RANBP2: variants seen among roughly 807,000 people sequenced by gnomAD.
RANBP2 encodes E3 SUMO-protein ligase RanBP2.
A neutral mutation model predicts 303.6 loss-of-function variants in RANBP2; 57 were observed. The ratio of observed to expected loss-of-function variants is 0.19; its 90% CI spans 0.15 to 0.23. The LOEUF (loss-of-function observed/expected upper bound fraction) is 0.23. Among genes scored for constraint, RANBP2 ranks in the 10% least tolerant of loss-of-function variants. The pLI is 1.00. For missense variants in RANBP2, 3,138 were observed against 3,780.8 expected (o/e 0.83, Z 4.46); for synonymous variants, 1,167 against 1,301.5 (o/e 0.90, Z 2.23).
chr2:109,110,761 C>T, the RANBP2 span, among the ~76,000 whole-genome samples: 2 of 152,096 alleles, frequency 1.3e-5, no homozygotes, highest in African/African-American at 4.8e-5. Flanking sequence ...AGACAGCTGT[C>T]CATGCCTTCT....
the RANBP2 span, chr2:108,906,482 G>T: frequency 9.4e-7 from 1 of 1,069,184 alleles, no homozygotes; most frequent in Non-Finnish European, 1.4e-6. Flanking sequence ...CAGAGACGCT[G>T]CACACAGCCC....
chr2:109,252,593 ATTATGTCCTGATAAACCCATCAATAG>A, the RANBP2 span, among the ~76,000 whole-genome samples: 2 of 152,212 alleles, frequency 1.3e-5, no homozygotes, highest in Non-Finnish European at 2.9e-5. Flanking sequence ...GTTAAGATGG[ATTATGTCCTGATAAACCCATCAATAG>A]TTGGAAGTAT....
the RANBP2 span, among the ~76,000 whole-genome samples, chr2:109,067,063 T>C: frequency 1.4e-5 from 2 of 143,774 alleles, no homozygotes; most frequent in Non-Finnish European, 3.1e-5. Flanking sequence ...AGAGGCAAAA[T>C]AAAAAGGAAT....
the RANBP2 span, among the ~76,000 whole-genome samples, chr2:109,699,435 A>G: frequency 6.6e-6 from 1 of 152,246 alleles, no homozygotes; most frequent in African/African-American, 2.4e-5. Flanking sequence ...GTAGCCTGTT[A>G]TTGACCAAAA....
At chr2:109,454,946 T>G in the RANBP2 span, among the ~76,000 whole-genome samples, 7 of 152,182 alleles carry the variant, frequency 4.6e-5, no homozygotes, top group Admixed American at 6.5e-5. Flanking sequence ...TAACTCTCTC[T>G]TTATGGGTGT....
At chr2:109,342,693 G>T in the RANBP2 span, among the ~76,000 whole-genome samples, 2 of 152,206 alleles carry the variant, frequency 1.3e-5, no homozygotes, top group African/African-American at 4.8e-5. Context: ...CCAACCAGGG[G>T]TGTCAGGAGC....
At chr2:109,529,423 C>T in the RANBP2 span, among the ~76,000 whole-genome samples, 1 of 151,940 alleles carries the variant, frequency 6.6e-6, no homozygotes, top group Non-Finnish European at 1.5e-5. Flanking sequence ...CCGGGGAGGC[C>T]GGAGGGTGGG....
chr2:109,194,855 AC>A, the RANBP2 span, among the ~76,000 whole-genome samples: 1 of 151,990 alleles, frequency 6.6e-6, no homozygotes, highest in Non-Finnish European at 1.5e-5. Flanking sequence ...CATATAGAGA[AC>A]CCTTAGCTTG....
At chr2:109,727,430 G>C in the RANBP2 span, among the ~76,000 whole-genome samples, 1 of 152,196 alleles carries the variant, frequency 6.6e-6, no homozygotes, top group African/African-American at 2.4e-5. Flanking sequence ...CTAGCTAGTA[G>C]TGGGTGGAGC....
the RANBP2 span, among the ~76,000 whole-genome samples, chr2:108,902,344 C>G: frequency 6.6e-6 from 1 of 152,142 alleles, no homozygotes; most frequent in African/African-American, 2.4e-5. Context: ...CCACTGCACT[C>G]CAGCCTGGGT....
At chr2:109,095,453 A>C in the RANBP2 span, among the ~76,000 whole-genome samples, 1 of 152,234 alleles carries the variant, frequency 6.6e-6, no homozygotes, top group African/African-American at 2.4e-5. Flanking sequence ...GAGGGTTTTA[A>C]AAATTGTCTT....
At chr2:108,925,382 T>C in the RANBP2 span, among the ~76,000 whole-genome samples, 342 of 152,286 alleles carry the variant, frequency 2.2e-3, 1 homozygote, top group African/African-American at 7.8e-3. Flanking sequence ...TGGGTAAAGC[T>C]CCAAGGCTAC....
the RANBP2 span, among the ~76,000 whole-genome samples, chr2:109,337,203 T>A: frequency 1.3e-4 from 20 of 152,160 alleles, no homozygotes; most frequent in Non-Finnish European, 2.5e-4. Context: ...GCCACATGAT[T>A]TAAAGATTTG....
the RANBP2 span, among the ~76,000 whole-genome samples, chr2:109,044,666 T>C: frequency 2.6e-5 from 4 of 152,148 alleles, no homozygotes; most frequent in Non-Finnish European, 5.9e-5. Flanking sequence ...TCTAAACTAA[T>C]AGGGTTTACT....
chr2:109,528,374 G>C, the RANBP2 span, among the ~76,000 whole-genome samples: 1 of 152,200 alleles, frequency 6.6e-6, no homozygotes, highest in Admixed American at 6.5e-5. Flanking sequence ...AAGTCTAAAG[G>C]TTTGCCATTT....
chr2:109,058,493 G>T, the RANBP2 span, among the ~76,000 whole-genome samples: 1 of 152,208 alleles, frequency 6.6e-6, no homozygotes, highest in African/African-American at 2.4e-5. Flanking sequence ...CTCCTTGACT[G>T]CAAAGAGGCG....
chr2:109,275,087 T>TA, the RANBP2 span, among the ~76,000 whole-genome samples: 98 of 150,852 alleles, frequency 6.5e-4, no homozygotes, highest in Middle Eastern at 3.4e-3. Flanking sequence ...CTTCCACCAT[T>TA]AAAAAAAAAG....
chr2:109,686,936 G>A, the RANBP2 span, among the ~76,000 whole-genome samples: 1 of 152,226 alleles, frequency 6.6e-6, no homozygotes, highest in Non-Finnish European at 1.5e-5. Flanking sequence ...CATTGTAGAT[G>A]TGATAAATGT....
chr2:108,723,550 C>A (rs936765869), intron 1 of RANBP2, among the ~76,000 whole-genome samples: 1 of 152,188 alleles, frequency 6.6e-6, no homozygotes, highest in African/African-American at 2.4e-5. Flanking sequence ...GCCGGGGTTA[C>A]AGGCGTGAGC....
Sources: gnomAD v4.1 joint callset for allele counts (sites outside exome capture counted in the v4.1 genomes callset) on GRCh38, gnomAD v4.1.1 for gene constraint, MANE v1.5 for transcripts, NCBI Gene and HGNC (gene_info 2026-07-23, HGNC 2026-07-21) for gene names.